The following FRMD6 variants were observed in gnomAD, a reference collection of about 807,000 sequenced individuals.
FRMD6 encodes the protein FERM domain containing 6, also known as FERM domain-containing protein 6.
FRMD6 carries 37 observed loss-of-function variants against 73.2 expected under a neutral mutation model. The observed-to-expected ratio is 0.51, with a 90% CI of 0.39 to 0.66. The LOEUF is 0.66. Ranked by LOEUF, FRMD6 falls within the 30% of genes least tolerant of loss-of-function variation. The pLI, the probability that FRMD6 is intolerant of heterozygous loss-of-function variation, is 0.00. For missense variants in FRMD6, 714 were observed against 780.5 expected, an observed-to-expected ratio of 0.91 and a Z score of 1.02; for synonymous variants, 273 against 282.2, an observed-to-expected ratio of 0.97 and a Z score of 0.33.
At chr14:51,692,038 C>A (rs2140376686) in intron 2 of FRMD6, among the ~76,000 whole-genome samples, 1 of 152,202 alleles carries the variant, frequency 6.6e-6, no homozygotes, top group South Asian at 2.1e-4. Context: ...TGGCTTTATT[C>A]TGACAATCAA....
chr14:51,411,269 A>T, the FRMD6 span, among the ~76,000 whole-genome samples: 1 of 152,268 alleles, frequency 6.6e-6, no homozygotes, highest in African/African-American at 2.4e-5. Flanking sequence ...GTTGGCAGCA[A>T]GAGCAGAACT....
chr14:51,486,035 T>C (rs1320274762), upstream of FRMD6, among the ~76,000 whole-genome samples: 7 of 151,584 alleles, frequency 4.6e-5, no homozygotes, highest in East Asian at 1.9e-4. Flanking sequence ...TTCTTTTTTT[T>C]TTTTTTTTAA....
chr14:51,482,763 C>T, the FRMD6 span, among the ~76,000 whole-genome samples: 136 of 151,902 alleles, frequency 9.0e-4, no homozygotes, highest in African/African-American at 2.3e-3. Flanking sequence ...TAAAATGGCA[C>T]GATCTCAGCT....
chr14:51,532,369 A>C (rs1422433371), intron 1 of FRMD6, among the ~76,000 whole-genome samples: 4 of 28,430 alleles, frequency 1.4e-4, no homozygotes, highest in Admixed American at 1.4e-3. Context: ...ACTCCATCTC[A>C]AAAAAAAAAA....
the FRMD6 span, among the ~76,000 whole-genome samples, chr14:51,467,518 C>T: frequency 2.0e-5 from 3 of 152,200 alleles, no homozygotes; most frequent in Admixed American, 2.0e-4. Context: ...GGCAGAGGGG[C>T]TCCTCACTTC....
intron 1 of FRMD6, among the ~76,000 whole-genome samples, chr14:51,654,634 A>G (rs1455931127): frequency 1.3e-5 from 2 of 151,978 alleles, no homozygotes; most frequent in East Asian, 3.8e-4. Context: ...TATTACATGA[A>G]AGCCAGTACC....
intron 1 of FRMD6, among the ~76,000 whole-genome samples, chr14:51,665,667 T>A (rs139712256): frequency 2.2e-3 from 331 of 152,336 alleles, no homozygotes; most frequent in African/African-American, 7.7e-3. Context: ...GTTAACTATT[T>A]GCTAATGGTT....
At chr14:51,482,566 C>T in the FRMD6 span, among the ~76,000 whole-genome samples, 2 of 152,094 alleles carry the variant, frequency 1.3e-5, no homozygotes. Flanking sequence ...TCAGGAAAGC[C>T]GCAAAAATTC....
intron 2 of FRMD6, among the ~76,000 whole-genome samples, chr14:51,576,507 T>A (rs1321957473): frequency 6.6e-6 from 1 of 152,204 alleles, no homozygotes; most frequent in Non-Finnish European, 1.5e-5. Flanking sequence ...CAGAATGCTT[T>A]AAATTTTTAT....
At chr14:51,568,220 T>G (rs940731977) in intron 1 of FRMD6, among the ~76,000 whole-genome samples, 1 of 152,280 alleles carries the variant, frequency 6.6e-6, no homozygotes, top group Non-Finnish European at 1.5e-5. Context: ...AGAAATTTTC[T>G]GAGCCAATTC....
At chr14:51,708,310 GATTTCATTTCCATTAAAACTT>G (rs1462122285) in intron 7 of FRMD6, 77 bp downstream of exon 7, 1 of 1,330,104 alleles carries the variant, frequency 7.5e-7, no homozygotes, top group East Asian at 2.4e-5. Flanking sequence ...AAAACCGAAG[GATTTCATTTCCATTAAAACTT>G]ATTTCATTTT....
At chr14:51,411,564 T>C in the FRMD6 span, among the ~76,000 whole-genome samples, 1 of 152,208 alleles carries the variant, frequency 6.6e-6, no homozygotes, top group East Asian at 1.9e-4. Context: ...ATTAGATTTC[T>C]GTTATATTCG....
chr14:51,679,877 A>G (rs1204258801), intron 1 of FRMD6, among the ~76,000 whole-genome samples: 2 of 152,200 alleles, frequency 1.3e-5, no homozygotes, highest in Non-Finnish European at 2.9e-5. Context: ...CATTTTCCCA[A>G]GTACCTATTG....
the FRMD6 span, among the ~76,000 whole-genome samples, chr14:51,419,143 G>A: frequency 6.6e-6 from 1 of 152,194 alleles, no homozygotes; most frequent in African/African-American, 2.4e-5. Context: ...CCTGTGTGAG[G>A]TGATGCCCCG....
intron 2 of FRMD6, among the ~76,000 whole-genome samples, chr14:51,633,806 G>A (rs772028121): frequency 8.5e-5 from 13 of 152,156 alleles, no homozygotes; most frequent in Middle Eastern, 6.8e-3. Flanking sequence ...ATAAAGTTAC[G>A]TACAATACTT....
chr14:51,708,614 G>A (rs1896766185), intron 7 of FRMD6, among the ~76,000 whole-genome samples: 1 of 152,090 alleles, frequency 6.6e-6, no homozygotes, highest in Admixed American at 6.6e-5. Context: ...TCAAAGTGAA[G>A]CTATACCTGC....
chr14:51,422,508 T>G, the FRMD6 span, among the ~76,000 whole-genome samples: 1 of 152,072 alleles, frequency 6.6e-6, no homozygotes, highest in African/African-American at 2.4e-5. Context: ...TAAAAAATTA[T>G]ATGAAGGAAA....
At chr14:51,660,166 C>G (rs1296406789) in intron 1 of FRMD6, among the ~76,000 whole-genome samples, 2 of 152,118 alleles carry the variant, frequency 1.3e-5, no homozygotes, top group Non-Finnish European at 2.9e-5. Context: ...CCATCAAAAG[C>G]CAGGTTTTAT....
chr14:51,509,922 C>A (rs1239810584), intron 1 of FRMD6, among the ~76,000 whole-genome samples: 1 of 152,124 alleles, frequency 6.6e-6, no homozygotes, highest in Non-Finnish European at 1.5e-5. Flanking sequence ...CACTGCCCTG[C>A]GCGTACGTGT....
Sources: gnomAD v4.1 joint callset for allele counts (sites outside exome capture counted in the v4.1 genomes callset) on GRCh38, gnomAD v4.1.1 for gene constraint, MANE v1.5 for transcripts, NCBI Gene and HGNC (gene_info 2026-07-23, HGNC 2026-07-21) for gene names.